MEF2C: variants seen among roughly 807,000 people sequenced by gnomAD.
The protein encoded by MEF2C is myocyte enhancer factor 2C.
A neutral mutation model predicts 50.5 loss-of-function variants in MEF2C; 6 were observed. That is an observed-to-expected ratio of 0.12 (90% confidence interval 0.07 to 0.23). The LOEUF is 0.23. Ranked by LOEUF, MEF2C falls within the 10% of genes least tolerant of loss-of-function variation. The pLI, the probability that MEF2C is intolerant of heterozygous loss-of-function variation, is 1.00. For synonymous variants in MEF2C, 183 were observed against 228.0 expected (o/e 0.80, Z 1.78); for missense variants, 276 against 605.0 (o/e 0.46, Z 5.70).
At chr5:88,765,027 T>G (rs1357689773) in intron 3 of MEF2C, among the ~76,000 whole-genome samples, 1 of 152,074 alleles carries the variant, frequency 6.6e-6, no homozygotes, top group Non-Finnish European at 1.5e-5. Flanking sequence ...ATATAAACTA[T>G]TAAACAAACA....
At chr5:88,778,675 C>A (rs1786138504) in intron 3 of MEF2C, among the ~76,000 whole-genome samples, 1 of 151,992 alleles carries the variant, frequency 6.6e-6, no homozygotes, top group African/African-American at 2.4e-5. Flanking sequence ...CACATAACAC[C>A]AAGTTACTTT....
At chr5:88,802,570 C>G (rs544873335) in intron 3 of MEF2C, among the ~76,000 whole-genome samples, 2 of 152,178 alleles carry the variant, frequency 1.3e-5, no homozygotes, top group Admixed American at 1.3e-4. Flanking sequence ...CTTCAGCCCC[C>G]CAGGTAGCTG....
intron 3 of MEF2C, among the ~76,000 whole-genome samples, chr5:88,789,267 G>C (rs908605137): frequency 6.6e-6 from 1 of 151,650 alleles, no homozygotes; most frequent in Non-Finnish European, 1.5e-5. Flanking sequence ...CTCATGCTCA[G>C]GTGATTCTCT....
At chr5:88,817,731 A>G (rs1259652511) in intron 2 of MEF2C, 1 of 151,992 alleles carries the variant, frequency 6.6e-6, no homozygotes. Context: ...TACTATTTTA[A>G]GCCCTAACTG....
rs914487654 is a variant in MEF2C at position 88,719,597 on chromosome 5, A to G, written c.*3007T>C. The G allele has an allele frequency of 3.3e-5, 5 of 152,250 alleles. No homozygotes were observed. Among genetic ancestry groups the G allele is most frequent in the African/African-American group, 9.6e-5 (4 of 41,480 alleles). The allele number at this position is 152,250 out of a possible 1,614,324, so 9.4% of individuals were successfully genotyped here. On this transcript the variant is annotated 3_prime_UTR_variant, in exon 11 of 11. Coordinates refer to ENST00000504921, the MANE Select transcript of MEF2C (RefSeq NM_002397.5). ...TAATACTCCCTCAGGGCTCTGCCCT[A>G]AAGTCTGGAATACAAAGGATTTACT...
chr5:88,768,247 T>C (rs1233526053), intron 3 of MEF2C, among the ~76,000 whole-genome samples: 1 of 152,220 alleles, frequency 6.6e-6, no homozygotes, highest in African/African-American at 2.4e-5. Context: ...TTATTCACTT[T>C]GGAGTTTCAC....
At chr5:88,851,900 C>A (rs1051809583) in intron 1 of MEF2C, among the ~76,000 whole-genome samples, 1 of 152,016 alleles carries the variant, frequency 6.6e-6, no homozygotes, top group African/African-American at 2.4e-5. Context: ...TTACTTGAAC[C>A]TTTATAATGC....
chr5:88,801,708 G>C (rs1458060100), intron 3 of MEF2C, among the ~76,000 whole-genome samples: 1 of 151,992 alleles, frequency 6.6e-6, no homozygotes, highest in Non-Finnish European at 1.5e-5. Flanking sequence ...CGATGATCTT[G>C]ATCTCCTGAC....
chr5:88,733,204 A>AG, intron 6 of MEF2C: 1 of 985,374 alleles, frequency 1.0e-6, no homozygotes, highest in Non-Finnish European at 1.2e-6. Flanking sequence ...GAAAGGCCAT[A>AG]GGAAGATATG....
At chr5:88,803,318 A>C (rs905727164) in intron 3 of MEF2C, among the ~76,000 whole-genome samples, 1 of 152,236 alleles carries the variant, frequency 6.6e-6, no homozygotes, top group Non-Finnish European at 1.5e-5. Flanking sequence ...CAAAAATAAA[A>C]TATAATAATC....
At chr5:88,876,584 T>C (rs1160413440) in intron 1 of MEF2C, among the ~76,000 whole-genome samples, 2 of 152,006 alleles carry the variant, frequency 1.3e-5, no homozygotes, top group East Asian at 3.8e-4. Flanking sequence ...TGTCTCAACA[T>C]ATTTACATTA....
chr5:88,868,175 C>T (rs796705518), intron 1 of MEF2C, among the ~76,000 whole-genome samples: 7 of 152,220 alleles, frequency 4.6e-5, no homozygotes, highest in South Asian at 2.1e-4. Flanking sequence ...GAAAATTTCA[C>T]GTTTCGGAAC....
At chr5:88,781,275 G>A (rs1787881520) in intron 3 of MEF2C, among the ~76,000 whole-genome samples, 4 of 152,154 alleles carry the variant, frequency 2.6e-5, no homozygotes, top group African/African-American at 4.8e-5. Flanking sequence ...GTATATACAA[G>A]TGAAAGTTTA....
rs1032860204 is a variant in MEF2C, at chr5:88,872,132, A to T, written c.-143+10823T>A. On this transcript the variant is annotated intron_variant, in intron 1 of 10. Transcript: ENST00000504921. ...ATCAAAGTTGTCTAATAAGAAAAAT[A>T]AAAAAAAGGTTATTAATGTATACAA... is the stretch of plus-strand genomic sequence containing the variant. Among the ~76,000 whole-genome samples the T allele has an allele frequency of 5.3e-5, 8 of 151,474 alleles. No individual in the cohort carries two copies. The South Asian group carries it at 6.2e-4, about 12-fold the overall frequency.
rs1424356203 is a variant in MEF2C, at chr5:88,721,867, C to A, written c.*737G>T. 1 of 152,586 alleles carries A rather than the reference C, an allele frequency of 6.6e-6. No homozygotes were observed. Among genetic ancestry groups the A allele is most frequent in the Non-Finnish European group, 1.5e-5 (1 of 68,014 alleles). 9.5% of individuals were successfully genotyped at this position (152,586 alleles called of 1,614,324 possible). ...GGCTTAAGTAAACTACAAAAAGCCA[C>A]AAATGCTTTGCAAACTCTGTCTTAC... is the stretch of plus-strand genomic sequence containing the variant. On this transcript the variant is annotated 3_prime_UTR_variant, in exon 11 of 11. Transcript: ENST00000504921.
At chr5:88,861,627 A>G (rs1825562690) in intron 1 of MEF2C, among the ~76,000 whole-genome samples, 1 of 152,178 alleles carries the variant, frequency 6.6e-6, no homozygotes. Context: ...TTCTGAGACA[A>G]CAGTCCTGAT....
At chr5:88,791,081 C>G (rs1793528738) in intron 3 of MEF2C, among the ~76,000 whole-genome samples, 1 of 152,162 alleles carries the variant, frequency 6.6e-6, no homozygotes, top group Non-Finnish European at 1.5e-5. Flanking sequence ...ATATTCTACA[C>G]TTTGATTCTT....
chr5:88,808,930 A>C (rs763622526), intron 2 of MEF2C, among the ~76,000 whole-genome samples: 2 of 152,238 alleles, frequency 1.3e-5, no homozygotes, highest in South Asian at 2.1e-4. Context: ...CATGTTTGGA[A>C]CCTTAGGTGA....
At chr5:88,784,076 G>T (rs2152903366) in intron 3 of MEF2C, among the ~76,000 whole-genome samples, 1 of 152,290 alleles carries the variant, frequency 6.6e-6, no homozygotes, top group African/African-American at 2.4e-5. Context: ...TAACTGCATT[G>T]AAAATCGATA....
Sources: allele counts gnomAD v4.1 joint callset (sites outside exome capture counted in the v4.1 genomes callset), GRCh38; gene constraint gnomAD v4.1.1; transcripts MANE v1.5; gene names NCBI Gene and HGNC (gene_info 2026-07-23, HGNC 2026-07-21).